TENM3: variants seen among roughly 807,000 people sequenced by gnomAD.
TENM3 encodes teneurin transmembrane protein 3.
In TENM3, 63 loss-of-function variants were observed where a neutral mutation model predicts 255.1. That is an observed-to-expected ratio of 0.25 (90% CI 0.20 to 0.30). The LOEUF is 0.30. Ranked by LOEUF, TENM3 falls within the 10% of genes least tolerant of loss-of-function variation. The pLI, the probability that TENM3 is intolerant of heterozygous loss-of-function variation, is 1.00. For missense variants in TENM3, 2,929 were observed against 3,461.1 expected (o/e 0.85, Z 3.86); for synonymous variants, 1,306 against 1,322.3 (o/e 0.99, Z 0.27).
chr4:182,422,211 G>GC (rs1770887720), intron 3 of TENM3, among the ~76,000 whole-genome samples: 1 of 151,108 alleles, frequency 6.6e-6, no homozygotes, highest in Non-Finnish European at 1.5e-5. Flanking sequence ...TTTTTTCACT[G>GC]TTTTTTTTTA....
At chr4:182,441,733 T>C (rs891873501) in intron 3 of TENM3, among the ~76,000 whole-genome samples, 1 of 152,238 alleles carries the variant, frequency 6.6e-6, no homozygotes, top group Middle Eastern at 3.4e-3. Context: ...CCTGACCTGA[T>C]GATCTGCCTG....
intron 22 of TENM3, among the ~76,000 whole-genome samples, chr4:182,758,879 C>T (rs1362114570): frequency 1.3e-5 from 2 of 152,180 alleles, no homozygotes; most frequent in Non-Finnish European, 2.9e-5. Context: ...AATCATCTTC[C>T]TGCACAAATA....
the TENM3 span, among the ~76,000 whole-genome samples, chr4:182,127,551 C>T: frequency 6.6e-6 from 1 of 152,140 alleles, no homozygotes; most frequent in African/African-American, 2.4e-5. Flanking sequence ...TATCACTGTT[C>T]TCATGATGCA....
chr4:182,029,253 A>C, the TENM3 span, among the ~76,000 whole-genome samples: 1 of 152,102 alleles, frequency 6.6e-6, no homozygotes, highest in East Asian at 1.9e-4. Flanking sequence ...TGAATGGTTT[A>C]ACATTTCCCC....
the TENM3 span, among the ~76,000 whole-genome samples, chr4:181,507,734 C>T: frequency 6.6e-6 from 1 of 152,138 alleles, no homozygotes; most frequent in African/African-American, 2.4e-5. Context: ...ATGCTCAAAT[C>T]GATTGTTTTA....
chr4:182,521,856 G>A (rs976869640), intron 3 of TENM3, among the ~76,000 whole-genome samples: 10 of 151,844 alleles, frequency 6.6e-5, no homozygotes, highest in African/African-American at 1.2e-4. Context: ...TCCCTGATTC[G>A]TTAGAGTCAA....
the TENM3 span, among the ~76,000 whole-genome samples, chr4:181,690,699 C>A: frequency 6.6e-6 from 1 of 151,978 alleles, no homozygotes; most frequent in Non-Finnish European, 1.5e-5. Context: ...AGCAGTAAAT[C>A]ATAGAGCAGG....
chr4:182,763,017 A>G (rs771850523), intron 22 of TENM3, among the ~76,000 whole-genome samples: 29 of 152,178 alleles, frequency 1.9e-4, no homozygotes, highest in Non-Finnish European at 3.4e-4. Flanking sequence ...CTTCTAGAAA[A>G]TATTGATGTA....
chr4:182,593,985 A>G (rs1261015353), intron 3 of TENM3, among the ~76,000 whole-genome samples: 1 of 151,934 alleles, frequency 6.6e-6, no homozygotes, highest in Non-Finnish European at 1.5e-5. Flanking sequence ...AAAAAAAAAA[A>G]AGAAGCCAGC....
In TENM3 at chr4:182,398,011, T is replaced by C. The variant is rs561661870; in HGVS notation, c.511+51082T>C. Among the ~76,000 whole-genome samples, 151 of 152,274 alleles carry C rather than the reference T, an allele frequency of 9.9e-4. 3 individuals are homozygous for C. The Middle Eastern group carries it at 0.014, about 14-fold the overall frequency. On this transcript the variant is annotated intron_variant, in intron 3 of 27. Coordinates refer to ENST00000511685, the MANE Select transcript of TENM3 (RefSeq NM_001080477.4). ...CTCTGTTTCGGATAAGTCTGGCATTTAATATTAGAGAAGTACTTTGAGTCC... is the reference window on the plus strand; with the variant it reads ...CTCTGTTTCGGATAAGTCTGGCATTCAATATTAGAGAAGTACTTTGAGTCC...
At chr4:181,748,247 T>G in the TENM3 span, among the ~76,000 whole-genome samples, 3 of 152,140 alleles carry the variant, frequency 2.0e-5, no homozygotes, top group African/African-American at 7.2e-5. Flanking sequence ...ATCTTTGCAC[T>G]ACATAATCTT....
At chr4:182,064,045 A>T in the TENM3 span, among the ~76,000 whole-genome samples, 1 of 152,088 alleles carries the variant, frequency 6.6e-6, no homozygotes, top group Non-Finnish European at 1.5e-5. Context: ...CTGGGTTCAA[A>T]TCCTTCCCCT....
At chr4:181,812,290 T>C in the TENM3 span, among the ~76,000 whole-genome samples, 1 of 152,212 alleles carries the variant, frequency 6.6e-6, no homozygotes, top group African/African-American at 2.4e-5. Flanking sequence ...CCTAATACCT[T>C]AGAGCATTTG....
intron 27 of TENM3, among the ~76,000 whole-genome samples, chr4:182,798,757 A>C (rs1180422860): frequency 6.6e-6 from 1 of 152,234 alleles, no homozygotes; most frequent in Non-Finnish European, 1.5e-5. Flanking sequence ...TGTCAAAAGA[A>C]GTGCACCATA....
chr4:182,277,946 C>T (rs1000808390), intron 1 of TENM3, among the ~76,000 whole-genome samples: 2 of 152,204 alleles, frequency 1.3e-5, no homozygotes, highest in African/African-American at 4.8e-5. Context: ...TGGTGGGACC[C>T]ACTCCCTACC....
At chr4:182,428,459 G>A (rs983558743) in intron 3 of TENM3, among the ~76,000 whole-genome samples, 19 of 151,308 alleles carry the variant, frequency 1.3e-4, no homozygotes, top group Non-Finnish European at 2.6e-4. Flanking sequence ...TTATCTCCAC[G>A]TTCACTTTCC....
chr4:181,801,488 A>C, the TENM3 span, among the ~76,000 whole-genome samples: 2 of 151,946 alleles, frequency 1.3e-5, no homozygotes, highest in African/African-American at 4.8e-5. Context: ...AGGAGGGTGG[A>C]GGGGGCCATG....
chr4:181,949,081 T>C, the TENM3 span, among the ~76,000 whole-genome samples: 3 of 152,036 alleles, frequency 2.0e-5, no homozygotes, highest in East Asian at 1.9e-4. Context: ...ATGCCAGACG[T>C]AGAAAAAAAT....
At chr4:181,762,429 C>T in the TENM3 span, among the ~76,000 whole-genome samples, 2 of 152,138 alleles carry the variant, frequency 1.3e-5, no homozygotes, top group East Asian at 1.9e-4. Flanking sequence ...TTTGGGGGTC[C>T]TTGATGCTTA....
Sources: gnomAD v4.1 joint callset for allele counts (sites outside exome capture counted in the v4.1 genomes callset) on GRCh38, gnomAD v4.1.1 for gene constraint, MANE v1.5 for transcripts, NCBI Gene and HGNC (gene_info 2026-07-23, HGNC 2026-07-21) for gene names.